CHI3L1: variants seen among roughly 807,000 people sequenced by gnomAD.
CHI3L1 encodes the protein chitinase 3 like 1, also known as chitinase-3-like protein 1.
In CHI3L1, 30 loss-of-function variants were observed where a neutral mutation model predicts 40.7. The observed-to-expected ratio is 0.74, with a 90% CI of 0.55 to 1.00. The LOEUF (loss-of-function observed/expected upper bound fraction) is 1.00, where lower values mean the gene tolerates loss of function less well. Among genes scored for constraint, CHI3L1 ranks in the 50% least tolerant of loss-of-function variants. The pLI, the probability that CHI3L1 is intolerant of heterozygous loss-of-function variation, is 0.00. For missense variants in CHI3L1, 493 were observed against 492.2 expected (o/e 1.00, Z -0.01); for synonymous variants, 210 against 192.1 (o/e 1.09, Z -0.77).
chr1:203,179,920 G>C (rs904722193), intron 8 of CHI3L1, 43 bp from the exon 9 acceptor site: 7 of 1,591,594 alleles, frequency 4.4e-6, no homozygotes, highest in Admixed American at 3.4e-5. Flanking sequence ...GAGTCGTGCC[G>C]AGACCTTGCA....
At chr1:203,182,702 G>A in intron 6 of CHI3L1, 29 bp downstream of exon 6, 1 of 1,613,352 alleles carries the variant, frequency 6.2e-7, no homozygotes, top group Non-Finnish European at 8.5e-7. Flanking sequence ...CAGAGGTTCT[G>A]GGGAGGCTGC....
chr1:203,183,573 C>T (rs1571828704), intron 5 of CHI3L1, 68 bp downstream of exon 5: 11 of 1,552,630 alleles, frequency 7.1e-6, no homozygotes, highest in Admixed American at 6.7e-5. Flanking sequence ...CAGCTGACGC[C>T]GGCTTCTAGC....
At position 203,181,304 on chromosome 1, in the gene CHI3L1, G is replaced by A; in HGVS notation, c.588-19C>T. 1 of 1,612,976 alleles carries A rather than the reference G, an allele frequency of 6.2e-7. No individual in the cohort carries two copies. Among genetic ancestry groups the A allele is most frequent in the Non-Finnish European group, 8.5e-7 (1 of 1,179,344 alleles). ...CAGGTGTCTGAGGAGGAAGGGGATG[G>A]AGGGTGAGGCAGGAAATTATTAATA... On this transcript the variant is annotated intron_variant, in intron 6 of 9. Coordinates refer to ENST00000255409, the MANE Select transcript of CHI3L1 (RefSeq NM_001276.4).
At chr1:203,184,893 T>C (rs1187184410) in intron 3 of CHI3L1, among the ~76,000 whole-genome samples, 1 of 152,130 alleles carries the variant, frequency 6.6e-6, no homozygotes, top group Non-Finnish European at 1.5e-5. Context: ...AGACAGAGTA[T>C]GGCAAAGTAG....
intron 5 of CHI3L1, 67 bp downstream of exon 5, chr1:203,183,574 G>A (rs970350429): frequency 4.0e-5 from 62 of 1,557,634 alleles, no homozygotes; most frequent in Non-Finnish European, 4.9e-5. Flanking sequence ...AGCTGACGCC[G>A]GCTTCTAGCC....
In CHI3L1 at chr1:203,180,546, C is replaced by T; in HGVS notation, c.818G>A (p.Gly273Asp). 1 of 1,611,514 alleles carries T rather than the reference C, an allele frequency of 6.2e-7. No individual in the cohort carries two copies. Reference sequence around the variant, plus strand: ...CGGTCCTGAGATTGGGGCTCCAACACCAGTCTCAGAAGAAGCCAGAGTGAA... The same window carrying T: ...CGGTCCTGAGATTGGGGCTCCAACATCAGTCTCAGAAGAAGCCAGAGTGAA... ...RSFTLASSET[G>D]VGAPISGPGI... Residue 273 changes from glycine (G) to aspartate (D), a missense_variant, in exon 8 of 10, where the codon GGT (glycine) becomes GAT (aspartate). Physicochemically the swap from Gly to Asp is moderately conservative, Grantham distance 94 (BLOSUM62 -1). Coordinates refer to ENST00000255409, the MANE Select transcript of CHI3L1 (RefSeq NM_001276.4).
In CHI3L1 at chr1:203,184,575, C is replaced by A; in HGVS notation, c.314+1G>T. 6.2e-7 allele frequency: 1 copy of A among 1,613,602 alleles called. No homozygotes were observed. Among genetic ancestry groups the A allele is most frequent in the Non-Finnish European group, 8.5e-7 (1 of 1,179,540 alleles). ...TCCTGCCCCTGGGGAGAGGCTCCTA[C>A]CTTTGAGACCCAAAGTTCCATCCTC... On this transcript the variant is annotated splice_donor_variant, in intron 4 of 9. Transcript: ENST00000255409. LOFTEE classifies it high-confidence loss of function.
intron 9 of CHI3L1, 78 bp from the exon 10 acceptor site, chr1:203,179,663 C>G (rs770669922): frequency 3.1e-6 from 5 of 1,613,876 alleles, no homozygotes; most frequent in Non-Finnish European, 4.2e-6. Context: ...CTCTGTGAGC[C>G]CAGCCCAGAC....
chr1:203,186,035 A>T (rs1473044600), intron 2 of CHI3L1, among the ~76,000 whole-genome samples: 2 of 152,204 alleles, frequency 1.3e-5, no homozygotes, highest in African/African-American at 4.8e-5. Flanking sequence ...CTACTGGGCA[A>T]CTGTACTAGC....
intron 1 of CHI3L1, 127 bp from the exon 2 acceptor site, chr1:203,186,472 T>TGGCTCTGCTTCTCCTCCCCC (rs1352397308): frequency 1.1e-6 from 1 of 925,840 alleles, no homozygotes; most frequent in African/African-American, 2.6e-5. Context: ...GTCCCTCCCC[T>TGGCTCTGCTTCTCCTCCCCC]GGCTCTGCTT....
intron 5 of CHI3L1, among the ~76,000 whole-genome samples, chr1:203,183,192 G>A (rs946260): frequency 0.89 from 135,573 of 152,198 alleles, 60,703 homozygotes; most frequent in Non-Finnish European, 0.94. Flanking sequence ...TCTAGCTGGT[G>A]CATGAAATCC....
chr1:203,186,268 C>G (rs1656052720), intron 2 of CHI3L1, 48 bp downstream of exon 2: 1 of 1,557,658 alleles, frequency 6.4e-7, no homozygotes, highest in African/African-American at 1.4e-5. Context: ...TGCCCTGTGC[C>G]CTCGCCACGC....
chr1:203,179,184 C>T lies in CHI3L1; in HGVS notation c.*261G>A, dbSNP rs1423665735. On this transcript the variant is annotated 3_prime_UTR_variant, in exon 10 of 10. Transcript: ENST00000255409. Reference sequence around the variant, plus strand: ...CTTGCCAGGCTTGGGGATCTGTAAACATTTCCATTAATCAACAAGTGTGTA... The same window carrying T: ...CTTGCCAGGCTTGGGGATCTGTAAATATTTCCATTAATCAACAAGTGTGTA... 3.0e-6 allele frequency: 1 copy of T among 333,102 alleles called. No homozygotes were observed. The allele number at this position is 333,102 out of a possible 1,614,324, so 20.6% of individuals were successfully genotyped here. A position where few individuals can be genotyped will look rare whatever the true frequency, so the allele number is the denominator to read the frequency against.
chr1:203,184,467 A>G (rs766856043), intron 4 of CHI3L1, 109 bp downstream of exon 4: 159 of 871,998 alleles, frequency 1.8e-4, no homozygotes, highest in Non-Finnish European at 2.1e-4. Context: ...CCTTGTACCT[A>G]TCTAGTCTGG....
At chr1:203,182,579 G>A (rs949657042) in intron 6 of CHI3L1, 152 bp downstream of exon 6, 10 of 802,850 alleles carry the variant, frequency 1.2e-5, no homozygotes, top group Non-Finnish European at 2.0e-5. Context: ...GCAGGGAAGT[G>A]ACTTGCTCAA....
chr1:203,186,444 C>CCCCCCCTTT, intron 1 of CHI3L1, 99 bp from the exon 2 acceptor site: 2 of 1,497,724 alleles, frequency 1.3e-6, no homozygotes, highest in South Asian at 1.2e-5. Context: ...CCACCCCCAC[C>CCCCCCCTTT]TCCTGGTTGC....
chr1:203,181,544 C>T lies in CHI3L1; in HGVS notation c.588-259G>A, dbSNP rs142910555. The T allele has an allele frequency of 1.1e-3, 345 of 307,260 alleles. 1 individual carries two copies. The highest frequency in any genetic ancestry group is 1.7e-3 in the Non-Finnish European group (271 of 161,536). The allele number at this position is 307,260 out of a possible 1,614,324, so 19.0% of individuals were successfully genotyped here. A position where few individuals can be genotyped will look rare whatever the true frequency, so the allele number is the denominator to read the frequency against. On this transcript the variant is annotated intron_variant, in intron 6 of 9. Coordinates refer to ENST00000255409, the MANE Select transcript of CHI3L1 (RefSeq NM_001276.4). Reference sequence around the variant, plus strand: ...GCTGAGGCAGGAGAATCGCTTGAACCCAGGCGGCAGAGGTTGTGCCACTGC... The same window carrying T: ...GCTGAGGCAGGAGAATCGCTTGAACTCAGGCGGCAGAGGTTGTGCCACTGC...
intron 2 of CHI3L1, among the ~76,000 whole-genome samples, 192 bp from the exon 3 acceptor site, chr1:203,185,577 G>GT (rs1357200380): frequency 1.3e-5 from 2 of 152,204 alleles, no homozygotes; most frequent in Admixed American, 6.5e-5. Flanking sequence ...TCCCTGACTG[G>GT]TGAAAATAAG....
intron 4 of CHI3L1, among the ~76,000 whole-genome samples, chr1:203,184,146 A>T (rs905570887): frequency 6.6e-6 from 1 of 152,190 alleles, no homozygotes; most frequent in Admixed American, 6.5e-5. Flanking sequence ...TACCCAGCAC[A>T]TGGGTGCCAA....
Sources: allele counts gnomAD v4.1 joint callset (sites outside exome capture counted in the v4.1 genomes callset), GRCh38; gene constraint gnomAD v4.1.1; transcripts MANE v1.5; gene names NCBI Gene and HGNC (gene_info 2026-07-23, HGNC 2026-07-21).